TSHZ2: variants seen among roughly 807,000 people sequenced by gnomAD.
TSHZ2 encodes teashirt zinc finger homeobox 2, also known as teashirt homolog 2.
Under a neutral mutation model 74.4 loss-of-function variants are expected in TSHZ2, and 21 were observed. That is an observed-to-expected ratio of 0.28 (90% CI 0.20 to 0.41). The LOEUF (loss-of-function observed/expected upper bound fraction) is 0.41. Ranked by LOEUF, TSHZ2 falls within the 10% of genes least tolerant of loss-of-function variation. TSHZ2 has a pLI of 1.00. For synonymous variants in TSHZ2, 540 were observed against 515.3 expected, an observed-to-expected ratio of 1.05 and a Z score of -0.65; for missense variants, 1,244 against 1,293.5, an observed-to-expected ratio of 0.96 and a Z score of 0.59.
chr20:53,338,141 A>G (rs940710700), intron 2 of TSHZ2, among the ~76,000 whole-genome samples: 1 of 152,250 alleles, frequency 6.6e-6, no homozygotes, highest in African/African-American at 2.4e-5. Context: ...TGTCGCAGGC[A>G]TTCACCAGCC....
rs187139534 is a variant in TSHZ2, at chr20:53,432,896, A to G, written c.*9-54248A>G. ...ACCATCCCAACATCCAGAAGTAGGC[A>G]ACAATGGCATTGAGTCAATGGATTA... is the stretch of plus-strand genomic sequence containing the variant. On this transcript the variant is annotated intron_variant, in intron 2 of 2. Transcript: ENST00000371497. Among the ~76,000 whole-genome samples, 6 of 152,350 alleles carry G rather than the reference A, an allele frequency of 3.9e-5. No individual in the cohort carries two copies. The East Asian group carries it at 9.7e-4, about 25-fold the overall frequency.
intron 2 of TSHZ2, among the ~76,000 whole-genome samples, chr20:53,352,515 C>T (rs1052473961): frequency 4.6e-5 from 7 of 151,920 alleles, no homozygotes; most frequent in Non-Finnish European, 8.8e-5. Flanking sequence ...GGCGGTGGCT[C>T]ACTCTCTCAG....
At chr20:52,978,733 G>A (rs1600626504) in intron 1 of TSHZ2, among the ~76,000 whole-genome samples, 1 of 152,156 alleles carries the variant, frequency 6.6e-6, no homozygotes, top group Non-Finnish European at 1.5e-5. Flanking sequence ...AAGAAGCCTG[G>A]CGCACAAATA....
intron 2 of TSHZ2, chr20:53,398,814 T>C (rs1568900368): frequency 6.6e-6 from 1 of 152,186 alleles, no homozygotes; most frequent in Non-Finnish European, 1.5e-5. Context: ...TATCAGTTTT[T>C]TTCACCAGTA....
At chr20:53,227,380 AATT>A (rs1183842062) in intron 1 of TSHZ2, among the ~76,000 whole-genome samples, 4 of 151,904 alleles carry the variant, frequency 2.6e-5, no homozygotes, top group African/African-American at 9.7e-5. Context: ...AACTGTCTTT[AATT>A]ATTCATTTGG....
intron 1 of TSHZ2, among the ~76,000 whole-genome samples, chr20:52,999,654 T>A (rs1982338955): frequency 3.3e-5 from 5 of 152,126 alleles, no homozygotes; most frequent in Admixed American, 3.3e-4. Context: ...TTTTCCTCCC[T>A]CTATCAGCCA....
chr20:53,112,964 C>A (rs1419183194), intron 1 of TSHZ2, among the ~76,000 whole-genome samples: 2 of 152,146 alleles, frequency 1.3e-5, no homozygotes, highest in Non-Finnish European at 2.9e-5. Context: ...GAGAAAAGGA[C>A]AGGGCAAGGG....
In TSHZ2 at chr20:52,972,794, A is replaced by C; in HGVS notation, c.-500A>C. 1 of 160,674 alleles carries C rather than the reference A, an allele frequency of 6.2e-6. No individual in the cohort carries two copies. The highest frequency in any genetic ancestry group is 1.3e-5 in the Non-Finnish European group (1 of 78,490). The allele number at this position is 160,674 out of a possible 1,614,324, so 10.0% of individuals were successfully genotyped here. On this transcript the variant is annotated 5_prime_UTR_variant, in exon 1 of 3. Coordinates refer to ENST00000371497, the MANE Select transcript of TSHZ2 (RefSeq NM_173485.6). ...GAAAGAGGAGAAGGAAGAAGAAGAA[A>C]AAGAAGAAACCCACTACCTTCCCAG...
chr20:53,284,089 C>T (rs977895459), intron 2 of TSHZ2, among the ~76,000 whole-genome samples: 1 of 152,184 alleles, frequency 6.6e-6, no homozygotes. Context: ...GGGCTTTCTT[C>T]CTCTTCTTCC....
intron 1 of TSHZ2, among the ~76,000 whole-genome samples, chr20:53,096,971 T>C (rs1986073348): frequency 3.3e-5 from 5 of 150,604 alleles, no homozygotes; most frequent in African/African-American, 9.8e-5. Context: ...AAAAAACAAG[T>C]TTTGTCAAGC....
intron 1 of TSHZ2, among the ~76,000 whole-genome samples, chr20:53,021,745 A>G (rs1187662085): frequency 6.6e-6 from 1 of 152,146 alleles, no homozygotes; most frequent in Non-Finnish European, 1.5e-5. Flanking sequence ...GGTTCATCTT[A>G]CTGTGTCTCT....
intron 2 of TSHZ2, among the ~76,000 whole-genome samples, chr20:53,434,609 G>A (rs753031774): frequency 5.3e-5 from 8 of 152,330 alleles, no homozygotes; most frequent in Middle Eastern, 3.4e-3. Context: ...TGTTTTCTAC[G>A]TGTAGTGGTT....
chr20:53,450,189 ATTAT>A (rs775188295), intron 2 of TSHZ2, among the ~76,000 whole-genome samples: 5 of 152,168 alleles, frequency 3.3e-5, no homozygotes, highest in Admixed American at 6.5e-5. Context: ...TGCTCCACTA[ATTAT>A]TTTGCTTGTG....
chr20:53,285,935 G>C (rs534580178), intron 2 of TSHZ2, among the ~76,000 whole-genome samples: 3 of 152,156 alleles, frequency 2.0e-5, no homozygotes, highest in Non-Finnish European at 4.4e-5. Flanking sequence ...GGACAGAAAT[G>C]ATTCCTACCC....
At chr20:53,179,996 A>T (rs1355662845) in intron 1 of TSHZ2, among the ~76,000 whole-genome samples, 1 of 152,222 alleles carries the variant, frequency 6.6e-6, no homozygotes, top group Non-Finnish European at 1.5e-5. Context: ...TCTGAAAGGA[A>T]AATACGCATT....
intron 1 of TSHZ2, among the ~76,000 whole-genome samples, chr20:52,982,543 AC>A (rs1981606869): frequency 6.6e-6 from 1 of 152,190 alleles, no homozygotes; most frequent in African/African-American, 2.4e-5. Flanking sequence ...CATTTGTTCA[AC>A]AAATATTGGC....
intron 1 of TSHZ2, among the ~76,000 whole-genome samples, chr20:53,040,728 C>T (rs1363030529): frequency 6.6e-6 from 1 of 152,096 alleles, no homozygotes; most frequent in Non-Finnish European, 1.5e-5. Context: ...TGTTTGGGGA[C>T]TTAGTGTCCA....
At chr20:53,272,672 A>G (rs1417949155) in intron 2 of TSHZ2, among the ~76,000 whole-genome samples, 3 of 152,212 alleles carry the variant, frequency 2.0e-5, no homozygotes, top group Non-Finnish European at 4.4e-5. Context: ...TTGCACAGCC[A>G]GAAAAGTATG....
At chr20:53,365,888 C>T (rs907772734) in intron 2 of TSHZ2, among the ~76,000 whole-genome samples, 1 of 152,188 alleles carries the variant, frequency 6.6e-6, no homozygotes, top group East Asian at 1.9e-4. Flanking sequence ...CTTCTTTTTC[C>T]AGAGAGCACT....
Sources: gnomAD v4.1 joint callset for allele counts (sites outside exome capture counted in the v4.1 genomes callset) on GRCh38, gnomAD v4.1.1 for gene constraint, MANE v1.5 for transcripts, NCBI Gene and HGNC (gene_info 2026-07-23, HGNC 2026-07-21) for gene names.